Variants in RIMKLB observed in about 807,000 individuals in gnomAD.
RIMKLB encodes beta-citrylglutamate synthase B.
In RIMKLB, 7 loss-of-function variants were observed where a neutral mutation model predicts 32.0. The observed-to-expected ratio is 0.22, with a 90% CI of 0.12 to 0.41. The LOEUF is 0.41. Among genes scored for constraint, RIMKLB ranks in the 10% least tolerant of loss-of-function variants. The pLI is 1.00. For synonymous variants in RIMKLB, 172 were observed against 185.1 expected (o/e 0.93, Z 0.57); for missense variants, 289 against 498.7 (o/e 0.58, Z 4.00).
At chr12:8,670,197 A>G in the RIMKLB span, among the ~76,000 whole-genome samples, 2 of 152,018 alleles carry the variant, frequency 1.3e-5, no homozygotes, top group South Asian at 2.1e-4. Flanking sequence ...ATGTCCTCAC[A>G]TTTCAGAACC....
intron 5 of RIMKLB, among the ~76,000 whole-genome samples, chr12:8,755,338 T>A (rs1948936436): frequency 6.6e-6 from 1 of 152,012 alleles, no homozygotes; most frequent in South Asian, 2.1e-4. Context: ...TGGGCTCAAG[T>A]AATCCTCCTT....
At chr12:8,699,910 C>T (rs886595446) in intron 1 of RIMKLB, 4 of 152,222 alleles carry the variant, frequency 2.6e-5, no homozygotes, top group African/African-American at 9.7e-5. Context: ...TCTCTTCCTG[C>T]CTTGCCCCCC....
intron 5 of RIMKLB, among the ~76,000 whole-genome samples, chr12:8,766,179 G>A (rs780796500): frequency 7.2e-5 from 11 of 152,076 alleles, no homozygotes; most frequent in Non-Finnish European, 1.6e-4. Flanking sequence ...GTCCTAGAGC[G>A]TCCTCTATGG....
At chr12:8,701,864 G>A (rs940762513) in intron 1 of RIMKLB, among the ~76,000 whole-genome samples, 8 of 151,842 alleles carry the variant, frequency 5.3e-5, no homozygotes, top group Non-Finnish European at 1.2e-4. Flanking sequence ...AATTAGCCAG[G>A]TGTGGTGGTG....
intron 1 of RIMKLB, among the ~76,000 whole-genome samples, chr12:8,684,960 T>C (rs756348223): frequency 6.6e-6 from 1 of 152,342 alleles, no homozygotes; most frequent in East Asian, 1.9e-4. Context: ...ATCACTGATA[T>C]ATAGGAAAGC....
chr12:8,766,744 G>A (rs745743895), intron 5 of RIMKLB, among the ~76,000 whole-genome samples: 1 of 152,246 alleles, frequency 6.6e-6, no homozygotes, highest in South Asian at 2.1e-4. Flanking sequence ...ACCTTTGTAT[G>A]GTAATTAAGA....
chr12:8,741,561 C>G (rs967553860), intron 2 of RIMKLB, among the ~76,000 whole-genome samples: 1 of 151,208 alleles, frequency 6.6e-6, no homozygotes, highest in Non-Finnish European at 1.5e-5. Context: ...GGGTGGATCA[C>G]GGGGTCAGGA....
intron 1 of RIMKLB, 129 bp from the exon 2 acceptor site, chr12:8,713,682 C>A: frequency 5.1e-6 from 3 of 592,380 alleles, no homozygotes; most frequent in Non-Finnish European, 5.8e-6. Flanking sequence ...GAAAAGGAAA[C>A]AATATCTCTA....
intron 2 of RIMKLB, chr12:8,742,579 C>A: frequency 5.9e-6 from 2 of 338,424 alleles, no homozygotes; most frequent in South Asian, 2.7e-5. Context: ...TCTGCATCAT[C>A]AATTTGAAGA....
intron 1 of RIMKLB, among the ~76,000 whole-genome samples, chr12:8,705,476 CAAAAAAA>C (rs10607711): frequency 1.9e-5 from 2 of 105,348 alleles, no homozygotes; most frequent in African/African-American, 7.1e-5. Flanking sequence ...GACTCCATCT[CAAAAAAA>C]AAAAAAAAAA....
At chr12:8,677,111 A>G (rs1025713259), upstream of RIMKLB, among the ~76,000 whole-genome samples, 1 of 152,082 alleles carries the variant, frequency 6.6e-6, no homozygotes, top group African/African-American at 2.4e-5. Flanking sequence ...GCTGTAGGAG[A>G]GTCTTGAATA....
intron 2 of RIMKLB, chr12:8,742,464 G>A (rs2137535150): frequency 7.5e-6 from 3 of 402,244 alleles, no homozygotes; most frequent in South Asian, 3.7e-5. Flanking sequence ...AGAGCACATG[G>A]AGGAGGAGGA....
chr12:8,762,221 T>A (rs1242254905), intron 5 of RIMKLB, among the ~76,000 whole-genome samples: 1 of 152,156 alleles, frequency 6.6e-6, no homozygotes, highest in African/African-American at 2.4e-5. Flanking sequence ...GTGAAAGGTT[T>A]GGTGAAGGGT....
At chr12:8,696,962 CCT>C (rs1491117778), upstream of RIMKLB, among the ~76,000 whole-genome samples, 1 of 151,730 alleles carries the variant, frequency 6.6e-6, no homozygotes, top group African/African-American at 2.4e-5. Flanking sequence ...CGTCTGTAGC[CCT>C]TTTTTTTTCT....
At chr12:8,779,637 TTTATCTTGA>T (rs1392233856), downstream of RIMKLB, 9 of 152,194 alleles carry the variant, frequency 5.9e-5, no homozygotes, top group African/African-American at 2.2e-4. Flanking sequence ...ACTACATATT[TTTATCTTGA>T]TGAAGGCAGT....
intron 5 of RIMKLB, among the ~76,000 whole-genome samples, chr12:8,756,684 C>CTTTTT (rs145312687): frequency 1.3e-3 from 118 of 90,872 alleles, no homozygotes; most frequent in Non-Finnish European, 1.6e-3. Flanking sequence ...TTACTTTCTA[C>CTTTTT]TTTTTTTTTT....
At chr12:8,767,892 A>G (rs1565421860) in intron 5 of RIMKLB, among the ~76,000 whole-genome samples, 1 of 152,218 alleles carries the variant, frequency 6.6e-6, no homozygotes, top group Non-Finnish European at 1.5e-5. Context: ...AAGGAAGGAT[A>G]GGACAGAATA....
At chr12:8,765,508 C>A (rs945277538) in intron 5 of RIMKLB, among the ~76,000 whole-genome samples, 1 of 152,144 alleles carries the variant, frequency 6.6e-6, no homozygotes, top group Non-Finnish European at 1.5e-5. Context: ...TTATATCTCT[C>A]CATGTCAGAT....
downstream of RIMKLB, chr12:8,777,429 G>T: frequency 4.1e-6 from 4 of 984,940 alleles, no homozygotes; most frequent in Non-Finnish European, 4.8e-6. Context: ...TTATACCAAT[G>T]CCATTTTGCC....
Sources: gnomAD v4.1 joint callset for allele counts (sites outside exome capture counted in the v4.1 genomes callset) on GRCh38, gnomAD v4.1.1 for gene constraint, MANE v1.5 for transcripts, NCBI Gene and HGNC (gene_info 2026-07-23, HGNC 2026-07-21) for gene names.